Variants in FAM120B observed in about 807,000 individuals in gnomAD.
FAM120B encodes the protein constitutive coactivator of peroxisome proliferator-activated receptor gamma.
FAM120B carries 83 observed loss-of-function variants against 96.3 expected under a neutral mutation model. The observed-to-expected ratio is 0.86, with a 90% confidence interval of 0.72 to 1.03. The LOEUF is 1.03. Among genes scored for constraint, FAM120B ranks in the 50% least tolerant of loss-of-function variants. The pLI, the probability that FAM120B is intolerant of heterozygous loss-of-function variation, is 0.00. For synonymous variants in FAM120B, 407 were observed against 402.7 expected (o/e 1.01, Z -0.13); for missense variants, 1,027 against 1,121.2 (o/e 0.92, Z 1.20).
intron 6 of FAM120B, among the ~76,000 whole-genome samples, chr6:170,360,211 A>G (rs375885588): frequency 7.2e-4 from 109 of 152,312 alleles, no homozygotes; most frequent in African/African-American, 2.3e-3. Context: ...TTCACCAGCT[A>G]TGGGGTCTTG....
upstream of FAM120B, among the ~76,000 whole-genome samples, chr6:170,294,911 A>G (rs530157354): frequency 6.6e-6 from 1 of 152,372 alleles, no homozygotes; most frequent in South Asian, 2.1e-4. This position sits in a 1 kb window ranked among gnomAD's most constrained non-coding sequence, Gnocchi z 7.9. Flanking sequence ...CTTGTTCAGA[A>G]TAACAAGATA....
At chr6:170,291,496 C>A (rs1430237650), upstream of FAM120B, among the ~76,000 whole-genome samples, 1 of 151,902 alleles carries the variant, frequency 6.6e-6, no homozygotes, top group Non-Finnish European at 1.5e-5. Flanking sequence ...TTCTTCGGGG[C>A]AGGCGCTTCC....
intron 5 of FAM120B, among the ~76,000 whole-genome samples, chr6:170,354,402 A>G (rs1007790585): frequency 6.6e-6 from 1 of 152,192 alleles, no homozygotes; most frequent in Non-Finnish European, 1.5e-5. Flanking sequence ...AATTGCAACA[A>G]AAGCAAAAAT....
chr6:170,383,109 A>AG (rs1045466790), intron 6 of FAM120B, among the ~76,000 whole-genome samples: 1 of 151,912 alleles, frequency 6.6e-6, no homozygotes, highest in Non-Finnish European at 1.5e-5. Flanking sequence ...AAAGAAAAAA[A>AG]AAAAAAAAGG....
upstream of FAM120B, among the ~76,000 whole-genome samples, chr6:170,293,239 A>C (rs1481083559): frequency 6.6e-6 from 1 of 152,194 alleles, no homozygotes; most frequent in East Asian, 1.9e-4. Flanking sequence ...TAAAAAAAGA[A>C]GAGAATGCGA....
At chr6:170,393,148 C>CAAAAAA (rs66472378) in intron 8 of FAM120B, among the ~76,000 whole-genome samples, 1 of 119,748 alleles carries the variant, frequency 8.4e-6, no homozygotes, top group Non-Finnish European at 1.6e-5. Context: ...CCTGTCTTTA[C>CAAAAAA]AAAAAAAAAA....
chr6:170,390,641 A>G (rs1790434366), intron 7 of FAM120B, among the ~76,000 whole-genome samples: 1 of 152,170 alleles, frequency 6.6e-6, no homozygotes, highest in South Asian at 2.1e-4. Flanking sequence ...TCTTATAATT[A>G]AGAATCGAAA....
Position 170,377,897 on chromosome 6 carries a change from G to A in FAM120B, c.2284-10390G>A, listed in dbSNP as rs558716321. Among the ~76,000 whole-genome samples the A allele has an allele frequency of 8.4e-4, 92 of 109,302 alleles. 1 individual carries two copies. The highest frequency in any genetic ancestry group is 3.2e-3 in the African/African-American group (84 of 25,856). 71.7% of individuals were successfully genotyped at this position (109,302 alleles called of 152,430 possible). On this transcript the variant is annotated intron_variant, in intron 6 of 10. Coordinates refer to ENST00000476287, the MANE Select transcript of FAM120B (RefSeq NM_032448.3). ...TCACGCTGCTCGGTGCTGTGCACAC[G>A]CGTCCCTAAACCCAGACGCCTGGGA... is the stretch of plus-strand genomic sequence containing the variant.
chr6:170,304,003 A>G (rs867806440), upstream of FAM120B, among the ~76,000 whole-genome samples: 33 of 152,200 alleles, frequency 2.2e-4, no homozygotes, highest in South Asian at 6.2e-4. Context: ...CCCCTACTGT[A>G]TAAGTCCTAG....
rs1583249955 is a variant in FAM120B at position 170,353,437 on chromosome 6, C to T, written c.2191-4789C>T. On this transcript the variant is annotated intron_variant, in intron 5 of 10. Coordinates refer to ENST00000476287, the MANE Select transcript of FAM120B (RefSeq NM_032448.3). ...CATCCTGATACCAAAACCTGGTAGA[C>T]ATAGAACAAAGAAAGAAAACTTCAG... 2.6e-5 allele frequency among the ~76,000 whole-genome samples: 4 copies of T among 152,080 alleles called. No individual in the cohort carries two copies. In the East Asian group the frequency reaches 7.7e-4, roughly 29 times the overall value.
At chr6:170,328,684 G>A (rs1368622595) in intron 3 of FAM120B, among the ~76,000 whole-genome samples, 1 of 152,130 alleles carries the variant, frequency 6.6e-6, no homozygotes, top group Non-Finnish European at 1.5e-5. Context: ...TGGAAGAAAT[G>A]AGCGTTTTTT....
At chr6:170,385,371 A>G (rs966727573) in intron 6 of FAM120B, among the ~76,000 whole-genome samples, 6 of 138,128 alleles carry the variant, frequency 4.3e-5, no homozygotes, top group Non-Finnish European at 7.4e-5. Flanking sequence ...ATATACTTTA[A>G]AAAAAAGGCT....
intron 4 of FAM120B, among the ~76,000 whole-genome samples, chr6:170,340,049 G>A (rs1469309424): frequency 6.6e-6 from 1 of 152,114 alleles, no homozygotes; most frequent in Non-Finnish European, 1.5e-5. Context: ...TTGTTAGGTT[G>A]GGGAAGTTCT....
chr6:170,297,434 G>A (rs1209358451), intron 1 of FAM120B, among the ~76,000 whole-genome samples: 1 of 152,190 alleles, frequency 6.6e-6, no homozygotes, highest in African/African-American at 2.4e-5. Context: ...CACAATGAGC[G>A]GCCTTTGTGT....
intron 6 of FAM120B, among the ~76,000 whole-genome samples, chr6:170,361,226 ATATATATATACACG>A (rs1788408258): frequency 3.1e-5 from 4 of 127,146 alleles, no homozygotes; most frequent in Admixed American, 1.7e-4. Context: ...ATATATATAT[ATATATATATACACG>A]TATATATATA....
At chr6:170,351,034 A>G (rs1259587835) in intron 5 of FAM120B, among the ~76,000 whole-genome samples, 1 of 152,232 alleles carries the variant, frequency 6.6e-6, no homozygotes, top group Non-Finnish European at 1.5e-5. Context: ...CAAAGAAGCT[A>G]AGAAATATGT....
chr6:170,344,090 G>A (rs1288845830), intron 4 of FAM120B, among the ~76,000 whole-genome samples: 1 of 137,946 alleles, frequency 7.2e-6, no homozygotes, highest in Admixed American at 7.2e-5. Flanking sequence ...GGATGAAATC[G>A]TTCAGTCCAT....
chr6:170,294,913 A>G (rs1783962448), upstream of FAM120B, among the ~76,000 whole-genome samples: 1 of 152,266 alleles, frequency 6.6e-6, no homozygotes, highest in Non-Finnish European at 1.5e-5. The surrounding 1 kb of genome is among the most constrained non-coding windows in gnomAD (Gnocchi z 7.9). Flanking sequence ...TGTTCAGAAT[A>G]ACAAGATAAA....
intron 6 of FAM120B, among the ~76,000 whole-genome samples, chr6:170,360,246 A>G (rs1451507124): frequency 6.6e-6 from 1 of 152,238 alleles, no homozygotes; most frequent in Non-Finnish European, 1.5e-5. Context: ...GACATACGGC[A>G]AGTAACCAAA....
Sources: allele counts gnomAD v4.1 joint callset (sites outside exome capture counted in the v4.1 genomes callset), GRCh38; gene constraint gnomAD v4.1.1; non-coding constraint Gnocchi (gnomAD v3.1); transcripts MANE v1.5; gene names NCBI Gene and HGNC (gene_info 2026-07-23, HGNC 2026-07-21).